Variants in ZFHX3 observed in about 807,000 individuals in gnomAD.
ZFHX3 encodes the protein zinc finger homeobox 3.
Under a neutral mutation model 279.1 loss-of-function variants are expected in ZFHX3, and 42 were observed. The ratio of observed to expected loss-of-function variants is 0.15; its 90% CI spans 0.12 to 0.19. The LOEUF (loss-of-function observed/expected upper bound fraction) is 0.19. Among genes scored for constraint, ZFHX3 ranks in the 10% least tolerant of loss-of-function variants. The pLI, the probability that ZFHX3 is intolerant of heterozygous loss-of-function variation, is 1.00. For missense variants in ZFHX3, 4,981 were observed against 4,754.0 expected (o/e 1.05, Z -1.40); for synonymous variants, 2,293 against 1,957.8 (o/e 1.17, Z -4.52).
rs535616666 is a variant in ZFHX3 at position 73,621,387 on chromosome 16, G to A, written c.-1547+58793C>T. ...CTTAAATGAAAGTAGAAATTCATAT[G>A]GTCTTTCCCTCCAGCAGTCTCATTC... On this transcript the variant is annotated intron_variant, in intron 2 of 17. Transcript: ENST00000641206. Among the ~76,000 whole-genome samples the A allele has an allele frequency of 2.6e-5, 4 of 152,260 alleles. No individual in the cohort carries two copies. The South Asian group carries it at 6.2e-4, about 24-fold the overall frequency.
intron 3 of ZFHX3, among the ~76,000 whole-genome samples, chr16:73,334,939 A>AG (rs1327712158): frequency 4.0e-5 from 6 of 150,238 alleles, no homozygotes; most frequent in Non-Finnish European, 7.4e-5. Flanking sequence ...CTTTGCACAA[A>AG]GGGGGAAAAA....
At chr16:73,577,083 C>T (rs2051807854) in intron 2 of ZFHX3, among the ~76,000 whole-genome samples, 1 of 152,092 alleles carries the variant, frequency 6.6e-6, no homozygotes, top group African/African-American at 2.4e-5. Context: ...ACTGGCTCTG[C>T]TTATTTCTAG....
chr16:73,078,039 G>A (rs1401110056), intron 8 of ZFHX3, among the ~76,000 whole-genome samples: 1 of 152,108 alleles, frequency 6.6e-6, no homozygotes, highest in Non-Finnish European at 1.5e-5. Context: ...TCCTGACCTT[G>A]GGTGGTCCAC....
At chr16:72,953,585 A>G (rs1281349174) in intron 2 of ZFHX3, among the ~76,000 whole-genome samples, 1 of 152,054 alleles carries the variant, frequency 6.6e-6, no homozygotes, top group African/African-American at 2.4e-5. Flanking sequence ...ACGAAGTCCC[A>G]GTTTCCACTT....
intron 7 of ZFHX3, among the ~76,000 whole-genome samples, chr16:73,129,500 T>C (rs749205844): frequency 2.6e-5 from 4 of 151,976 alleles, no homozygotes; most frequent in African/African-American, 9.7e-5. Context: ...CAGCCTTCTA[T>C]GTACCTTAAT....
At chr16:73,081,581 T>C (rs1031116310) in intron 8 of ZFHX3, 1 of 152,134 alleles carries the variant, frequency 6.6e-6, no homozygotes, top group African/African-American at 2.4e-5. Flanking sequence ...AACCATATTA[T>C]CAAATGCCTC....
intron 1 of ZFHX3, among the ~76,000 whole-genome samples, chr16:73,037,494 T>TA (rs1259590833): frequency 6.6e-6 from 1 of 152,108 alleles, no homozygotes; most frequent in Non-Finnish European, 1.5e-5. Flanking sequence ...ACAGTTTCAA[T>TA]AAGTCAAGAG....
chr16:73,779,974 C>T (rs1332376853), intron 1 of ZFHX3, among the ~76,000 whole-genome samples: 2 of 145,444 alleles, frequency 1.4e-5, no homozygotes, highest in Non-Finnish European at 3.0e-5. Context: ...GCCTTGGCCT[C>T]CCAAAGCACT....
intron 3 of ZFHX3, among the ~76,000 whole-genome samples, chr16:72,949,786 C>A (rs1372676234): frequency 6.6e-6 from 1 of 151,360 alleles, no homozygotes; most frequent in African/African-American, 2.4e-5. Context: ...AAAGGAGGCC[C>A]CTCATGGACC....
chr16:72,848,334 TG>T (rs1477067785), intron 4 of ZFHX3, among the ~76,000 whole-genome samples: 3 of 152,162 alleles, frequency 2.0e-5, no homozygotes, highest in African/African-American at 7.2e-5. Context: ...CCTATTGATC[TG>T]CCGCACACTC....
intron 1 of ZFHX3, among the ~76,000 whole-genome samples, chr16:73,019,647 T>C (rs576883793): frequency 2.6e-5 from 4 of 152,298 alleles, no homozygotes; most frequent in Admixed American, 1.3e-4. Flanking sequence ...CTAAAGGGCA[T>C]GAACCTGGAG....
chr16:72,951,459 A>C (rs1015585502), intron 2 of ZFHX3, among the ~76,000 whole-genome samples: 1 of 152,132 alleles, frequency 6.6e-6, no homozygotes, highest in African/African-American at 2.4e-5. Flanking sequence ...ACAGGGTTTC[A>C]TCATGTTGGT....
In ZFHX3 at chr16:72,811,695, T is replaced by C; in HGVS notation, c.3746A>G (p.Gln1249Arg). ...GCACAGGGGGCAGCGAAGCATGGGT[T>C]GCACCGAGTGCTGCGTCATGGCATG... ...RVHAMTQHSV[Q>R]PMLRCPLCQD... The change falls in exon 7 of 10, where the codon CAA (glutamine) becomes CGA (arginine). Residue 1249 changes from glutamine (Q) to arginine (R), a missense_variant. Coordinates refer to ENST00000268489, the MANE Select transcript of ZFHX3 (RefSeq NM_006885.4). 1 of 1,614,098 alleles carries C rather than the reference T, an allele frequency of 6.2e-7. No homozygotes were observed. The highest frequency in any genetic ancestry group is 2.2e-5 in the East Asian group (1 of 44,876).
At chr16:73,058,777 G>GGGAGCC (rs1965631061) in exon 1 of ZFHX3, 2 of 158,136 alleles carry the variant, frequency 1.3e-5, no homozygotes, top group African/African-American at 2.5e-5. Flanking sequence ...GCCGCAGCCG[G>GGGAGCC]GGAGCCGGAG....
chr16:72,875,237 G>A (rs893802586), intron 4 of ZFHX3, among the ~76,000 whole-genome samples: 2 of 152,214 alleles, frequency 1.3e-5, no homozygotes, highest in African/African-American at 2.4e-5. Flanking sequence ...TGGCCTGGCC[G>A]CTCTTCCACC....
At chr16:73,652,315 A>C (rs1001495441) in intron 2 of ZFHX3, among the ~76,000 whole-genome samples, 1 of 152,198 alleles carries the variant, frequency 6.6e-6, no homozygotes, top group Non-Finnish European at 1.5e-5. Flanking sequence ...GATCATAGGG[A>C]AAGAAAAATA....
chr16:73,120,206 G>C lies in ZFHX3; in HGVS notation c.-897+10762C>G, dbSNP rs560773378. Reference sequence around the variant, plus strand: ...TTTCCCATTTCTAGTCCTGCCCCTTGAATCACAGTAATATTAAGCTGTTTA... The same window carrying C: ...TTTCCCATTTCTAGTCCTGCCCCTTCAATCACAGTAATATTAAGCTGTTTA... On this transcript the variant is annotated intron_variant, in intron 7 of 17. Coordinates refer to the ZFHX3 transcript ENST00000641206. Among the ~76,000 whole-genome samples the C allele has an allele frequency of 2.0e-3, 303 of 152,072 alleles. 1 individual carries two copies. Among genetic ancestry groups the C allele is most frequent in the Middle Eastern group, 6.8e-3 (2 of 292 alleles).
intron 3 of ZFHX3, among the ~76,000 whole-genome samples, chr16:72,895,826 T>C (rs2038886035): frequency 6.6e-6 from 1 of 152,014 alleles, no homozygotes; most frequent in African/African-American, 2.4e-5. Context: ...CCTGTCTCAG[T>C]AAATAGATTA....
At chr16:73,546,087 A>G (rs1477810574) in intron 2 of ZFHX3, among the ~76,000 whole-genome samples, 1 of 152,196 alleles carries the variant, frequency 6.6e-6, no homozygotes, top group African/African-American at 2.4e-5. Context: ...GCCAGATTAA[A>G]ATCTTTAATT....
Sources: allele counts gnomAD v4.1 joint callset (sites outside exome capture counted in the v4.1 genomes callset), GRCh38; gene constraint gnomAD v4.1.1; transcripts MANE v1.5; gene names NCBI Gene and HGNC (gene_info 2026-07-23, HGNC 2026-07-21).